The following COBL variants were observed in gnomAD, a reference collection of about 807,000 sequenced individuals.
The protein encoded by COBL is protein cordon-bleu.
A neutral mutation model predicts 98.8 loss-of-function variants in COBL; 51 were observed. That is an observed-to-expected ratio of 0.52 (90% confidence interval 0.41 to 0.65). The LOEUF (loss-of-function observed/expected upper bound fraction) is 0.65, where lower values mean the gene tolerates loss of function less well. Among genes scored for constraint, COBL ranks in the 30% least tolerant of loss-of-function variants. The probability of loss-of-function intolerance (pLI) is 0.00; values close to 1 mark genes in which losing one functional copy is unlikely to be tolerated. For synonymous variants in COBL, 634 were observed against 651.7 expected, an observed-to-expected ratio of 0.97 and a Z score of 0.41; for missense variants, 1,617 against 1,617.5, an observed-to-expected ratio of 1.00 and a Z score of 0.01.
At chr7:51,066,264 T>C (rs1472040399) in intron 7 of COBL, among the ~76,000 whole-genome samples, 1 of 152,200 alleles carries the variant, frequency 6.6e-6, no homozygotes, top group Non-Finnish European at 1.5e-5. Context: ...ATACTTGTTG[T>C]TGGCTGTGGG....
chr7:51,107,839 G>A (rs1796452930), intron 6 of COBL, among the ~76,000 whole-genome samples: 1 of 152,176 alleles, frequency 6.6e-6, no homozygotes, highest in Non-Finnish European at 1.5e-5. Flanking sequence ...CAGGAAGGAA[G>A]ATATGTAAAT....
At chr7:51,124,664 A>T (rs925544930) in intron 6 of COBL, among the ~76,000 whole-genome samples, 1 of 152,156 alleles carries the variant, frequency 6.6e-6, no homozygotes, top group Non-Finnish European at 1.5e-5. Context: ...TATTTTGGGG[A>T]CATAAAGTGC....
At chr7:51,195,677 G>T (rs894277278) in intron 2 of COBL, among the ~76,000 whole-genome samples, 2 of 152,092 alleles carry the variant, frequency 1.3e-5, no homozygotes, top group Non-Finnish European at 2.9e-5. Context: ...TCTTTGAGCA[G>T]TGTTTTGTAG....
intron 1 of COBL, among the ~76,000 whole-genome samples, chr7:51,302,397 C>A (rs1802059835): frequency 1.3e-5 from 2 of 152,022 alleles, no homozygotes; most frequent in Non-Finnish European, 2.9e-5. Context: ...ACCTAGCCAA[C>A]ATGGAGAAAC....
chr7:51,046,569 C>A (rs529069920), intron 7 of COBL, among the ~76,000 whole-genome samples: 2 of 152,330 alleles, frequency 1.3e-5, no homozygotes, highest in African/African-American at 4.8e-5. Context: ...CGATGATTAA[C>A]CCCATGAACT....
Position 51,190,956 on chromosome 7 carries a change from C to T in COBL, c.579G>A (p.Glu193=), listed in dbSNP as rs1790054776. The part of the protein sequence containing the change: ...VICAKCEVSP[E]HVVLLRDNIA... ...TGTTGTCCCTGAGGAGAACCACGTG[C>T]TCTGGGCTGACCTCACACTTTGCAC... The change falls in exon 4 of 13, where the codon GAG becomes GAA. Residue 193 remains glutamate, a synonymous_variant. Transcript: ENST00000265136. 1.9e-6 allele frequency: 3 copies of T among 1,614,184 alleles called. No homozygotes were observed. The highest frequency in any genetic ancestry group is 2.2e-5 in the South Asian group (2 of 91,068).
At chr7:51,258,951 C>A (rs943300387) in intron 1 of COBL, among the ~76,000 whole-genome samples, 3 of 152,112 alleles carry the variant, frequency 2.0e-5, no homozygotes, top group African/African-American at 4.8e-5. Flanking sequence ...TCTATTAGTA[C>A]CAGCCTCCTC....
intron 5 of COBL, 95 bp from the exon 6 acceptor site, chr7:51,136,426 C>A (rs1583916821): frequency 2.3e-6 from 3 of 1,319,978 alleles, no homozygotes; most frequent in East Asian, 2.5e-5. Context: ...AATCCGTCCA[C>A]CTGAGCTTGA....
intron 5 of COBL, among the ~76,000 whole-genome samples, chr7:51,147,151 C>T (rs917412290): frequency 6.6e-6 from 1 of 152,196 alleles, no homozygotes; most frequent in African/African-American, 2.4e-5. Context: ...TGTGTCAGCC[C>T]TGGACTTGCA....
chr7:51,231,021 A>G (rs1193199859), intron 1 of COBL, among the ~76,000 whole-genome samples: 1 of 152,226 alleles, frequency 6.6e-6, no homozygotes, highest in African/African-American at 2.4e-5. Context: ...AGGGGTTAAC[A>G]CTGCCTGGGT....
chr7:51,294,333 A>AAATAAATAAAT (rs1563136809), intron 1 of COBL, among the ~76,000 whole-genome samples: 20 of 135,328 alleles, frequency 1.5e-4, no homozygotes, highest in African/African-American at 5.4e-4. Flanking sequence ...AATAAATAAA[A>AAATAAATAAAT]ATAAATAAAT....
intron 6 of COBL, among the ~76,000 whole-genome samples, chr7:51,092,158 A>G (rs550607316): frequency 1.3e-5 from 2 of 152,148 alleles, no homozygotes; most frequent in South Asian, 2.1e-4. Flanking sequence ...TAGATTGTGC[A>G]CTCCTTATGG....
chr7:51,025,358 A>C lies in COBL; in HGVS notation c.3519T>G (p.Ala1173=). 6.2e-7 allele frequency: 1 copy of C among 1,613,336 alleles called. No homozygotes were observed. The highest frequency in any genetic ancestry group is 8.5e-7 in the Non-Finnish European group (1 of 1,180,028). The part of the protein sequence containing the change: ...TCSLRKVASS[A]SEELQSFRDA... ...CTCGGAAGCTCTGGAGCTCCTCAGA[A>C]GCAGAGGATGCCACCTGGCAATGAG... is the stretch of plus-strand genomic sequence containing the variant. Residue 1173 remains alanine (A), a synonymous_variant, in exon 12 of 13, where the codon GCT becomes GCG. Coordinates refer to ENST00000265136, the MANE Select transcript of COBL (RefSeq NM_015198.5).
chr7:51,303,071 A>G (rs1409756910), intron 1 of COBL, among the ~76,000 whole-genome samples: 1 of 152,236 alleles, frequency 6.6e-6, no homozygotes, highest in Non-Finnish European at 1.5e-5. Context: ...TGCACTTCAC[A>G]AATTAGAATG....
At chr7:51,135,105 G>T (rs531401722) in intron 6 of COBL, among the ~76,000 whole-genome samples, 1 of 152,016 alleles carries the variant, frequency 6.6e-6, no homozygotes, top group Non-Finnish European at 1.5e-5. Flanking sequence ...TGGGACAATA[G>T]GCGTGCACCA....
intron 7 of COBL, chr7:51,083,226 C>T (rs1793857633): frequency 6.9e-7 from 1 of 1,456,892 alleles, no homozygotes; most frequent in Admixed American, 2.7e-5. Context: ...TGCCGTCCAC[C>T]ACCTATATGG....
At position 51,184,095 on chromosome 7, in the gene COBL, C is replaced by G. The variant is rs1406205689; in HGVS notation, c.783+7G>C. The G allele has an allele frequency of 9.8e-6, 13 of 1,330,974 alleles. No individual in the cohort carries two copies. The highest frequency in any genetic ancestry group is 1.4e-5 in the Non-Finnish European group (13 of 956,630). 82.4% of individuals were successfully genotyped at this position (1,330,974 alleles called of 1,614,324 possible). On this transcript the variant is annotated splice_region_variant and intron_variant, in intron 5 of 12. Transcript: ENST00000265136. ...ATACAAAATCATATGTGTATTTAATCCATTACCTTACTATTGCTTCTTTTA... is the reference window on the plus strand; with the variant it reads ...ATACAAAATCATATGTGTATTTAATGCATTACCTTACTATTGCTTCTTTTA...
chr7:51,196,049 T>C (rs562714713), intron 2 of COBL, among the ~76,000 whole-genome samples: 1 of 152,270 alleles, frequency 6.6e-6, no homozygotes, highest in South Asian at 2.1e-4. Context: ...ATAGGAGTGG[T>C]GAGAGGGGGC....
chr7:51,220,273 G>A (rs183917720), intron 1 of COBL, among the ~76,000 whole-genome samples: 1 of 152,162 alleles, frequency 6.6e-6, no homozygotes, highest in Admixed American at 6.5e-5. Context: ...TTGTCACAGG[G>A]ATGACACATC....
Sources: allele counts gnomAD v4.1 joint callset (sites outside exome capture counted in the v4.1 genomes callset), GRCh38; gene constraint gnomAD v4.1.1; transcripts MANE v1.5; gene names NCBI Gene and HGNC (gene_info 2026-07-23, HGNC 2026-07-21).